GDF1: variants seen among roughly 807,000 people sequenced by gnomAD.
The protein encoded by GDF1 is growth differentiation factor 1, also known as embryonic growth/differentiation factor 1.
Under a neutral mutation model 7.4 loss-of-function variants are expected in GDF1, and 8 were observed. The ratio of observed to expected loss-of-function variants is 1.09; its 90% CI spans 0.64 to 1.96. GDF1 has a LOEUF of 1.96. Ranked by LOEUF, GDF1 falls within the 30% of genes most tolerant of loss-of-function variation. GDF1 has a pLI of 0.00. For synonymous variants in GDF1, 311 were observed against 276.7 expected, an observed-to-expected ratio of 1.12 and a Z score of -1.23; for missense variants, 574 against 551.5, an observed-to-expected ratio of 1.04 and a Z score of -0.41.
intron 4 of GDF1, 58 bp from the exon 5 acceptor site, chr19:18,879,446 C>A: frequency 6.5e-7 from 1 of 1,535,588 alleles, no homozygotes; most frequent in East Asian, 2.4e-5. Context: ...CTACCCAGTC[C>A]CTGTCCTATC....
In GDF1 at chr19:18,893,545, T is replaced by C. The variant is rs762743223; in HGVS notation, c.-1043A>G. On this transcript the variant is annotated 5_prime_UTR_variant, in exon 2 of 8. Transcript: ENST00000247005. The stretch of plus-strand genomic sequence containing the variant: ...CTCTCGGGCATCTTGGCGGCATCTC[T>C]GGGCTGGAGGCAGCACCGCTTCGCC... 13 of 1,610,400 alleles carry C rather than the reference T, an allele frequency of 8.1e-6. No homozygotes were observed. The East Asian group carries it at 2.5e-4, about 30-fold the overall frequency.
chr19:18,879,294 A>G lies in GDF1; in HGVS notation c.-476T>C, dbSNP rs1273513355. The G allele has an allele frequency of 1.2e-6, 2 of 1,613,154 alleles. No homozygotes were observed. Among genetic ancestry groups the G allele is most frequent in the African/African-American group, 2.7e-5 (2 of 74,876 alleles). ...AGCAGCAGCAGGAGCGCATTGAAGA[A>G]GAAGTAGAAGGGGATGTCAGGCACC... is the stretch of plus-strand genomic sequence containing the variant. On this transcript the variant is annotated 5_prime_UTR_variant, in exon 5 of 8. Coordinates refer to ENST00000247005, the MANE Select transcript of GDF1 (RefSeq NM_001492.6).
Position 18,878,624 on chromosome 19 carries a change from C to A in GDF1, c.-313+306G>T, listed in dbSNP as rs1475010100. The A allele has an allele frequency of 8.3e-7, 1 of 1,201,124 alleles. No individual in the cohort carries two copies. The highest frequency in any genetic ancestry group is 1.0e-6 in the Non-Finnish European group (1 of 957,204). The allele number at this position is 1,201,124 out of a possible 1,614,324, so 74.4% of individuals were successfully genotyped here. A position where few individuals can be genotyped will look rare whatever the true frequency, so the allele number is the denominator to read the frequency against. ...AACTACTCCTCACCACCCACAGGGC[C>A]CTGGCTCGCCACTCCCGCCACACCA... On this transcript the variant is annotated intron_variant, in intron 6 of 7. Transcript: ENST00000247005. The surrounding 1 kb of genome is among the most constrained non-coding windows in gnomAD (Gnocchi z 4.6).
At chr19:18,882,821 T>A (rs2056248373) in intron 3 of GDF1, among the ~76,000 whole-genome samples, 1 of 151,760 alleles carries the variant, frequency 6.6e-6, no homozygotes, top group South Asian at 2.1e-4. Context: ...GCCTCCTGAG[T>A]AGCTGGGACT....
At chr19:18,890,040 G>T (rs767462768) in intron 2 of GDF1, among the ~76,000 whole-genome samples, 11 of 152,182 alleles carry the variant, frequency 7.2e-5, no homozygotes, top group Admixed American at 4.6e-4. Flanking sequence ...CCCTGGGGTA[G>T]ATGCCCAACC....
intron 2 of GDF1, among the ~76,000 whole-genome samples, chr19:18,890,290 A>C (rs947315827): frequency 2.0e-5 from 3 of 152,000 alleles, no homozygotes; most frequent in Non-Finnish European, 4.4e-5. Context: ...TCTCCACACA[A>C]GTTTTCTCAT....
intron 2 of GDF1, among the ~76,000 whole-genome samples, chr19:18,891,848 G>A (rs950658659): frequency 3.3e-5 from 5 of 150,930 alleles, no homozygotes. Context: ...TAGGATTACA[G>A]GTGTGAGCCA....
intron 1 of GDF1, among the ~76,000 whole-genome samples, chr19:18,894,641 G>A (rs116001604): frequency 0.011 from 1,716 of 152,202 alleles, 40 homozygotes; most frequent in African/African-American, 0.039. Context: ...AAGAAGGCAG[G>A]GGCAACAAGC....
Position 18,880,510 on chromosome 19 carries a change from A to C in GDF1, c.-732-75T>G, listed in dbSNP as rs1277157956. 4.9e-6 allele frequency: 7 copies of C among 1,422,238 alleles called. No homozygotes were observed. The East Asian group carries it at 1.8e-4, about 36-fold the overall frequency. The allele number at this position is 1,422,238 out of a possible 1,614,324, so 88.1% of individuals were successfully genotyped here. On this transcript the variant is annotated intron_variant, in intron 3 of 7. Transcript: ENST00000247005. ...TCCACTCTGCACTAAGGCCCCCAGC[A>C]GAGTCCCTGGGCTACACCTCAGGCT...
At chr19:18,884,348 G>T in intron 2 of GDF1, 81 bp from the exon 3 acceptor site, 1 of 1,339,788 alleles carries the variant, frequency 7.5e-7, no homozygotes, top group Non-Finnish European at 1.0e-6. Flanking sequence ...CACCCTCCAA[G>T]CCACACGTGT....
At chr19:18,875,334 T>A (rs1314949752) in intron 6 of GDF1, among the ~76,000 whole-genome samples, 1 of 151,582 alleles carries the variant, frequency 6.6e-6, no homozygotes, top group African/African-American at 2.4e-5. Flanking sequence ...ACACTTGAGG[T>A]CAGGAGTTCA....
intron 2 of GDF1, 76 bp downstream of exon 2, chr19:18,893,340 G>A: frequency 2.0e-6 from 3 of 1,473,400 alleles, no homozygotes; most frequent in Non-Finnish European, 2.7e-6. Flanking sequence ...TCTGCCTCAT[G>A]AGTAGCTGGG....
intron 3 of GDF1, 129 bp from the exon 4 acceptor site, chr19:18,880,564 C>A: frequency 1.2e-6 from 1 of 809,960 alleles, no homozygotes; most frequent in East Asian, 2.9e-5. Context: ...AGCCACCCTT[C>A]CTGCCTCGCC....
At chr19:18,889,487 GC>G (rs1255726608) in intron 2 of GDF1, among the ~76,000 whole-genome samples, 1 of 152,110 alleles carries the variant, frequency 6.6e-6, no homozygotes, top group Admixed American at 6.6e-5. Context: ...TGCAATCTTG[GC>G]TCACTGCAGC....
chr19:18,868,977 G>T lies in GDF1; in HGVS notation c.739C>A (p.Pro247Thr). The T allele has an allele frequency of 1.8e-6, 2 of 1,140,164 alleles. No homozygotes were observed. Among genetic ancestry groups the T allele is most frequent in the Non-Finnish European group, 2.2e-6 (2 of 929,562 alleles). The allele number at this position is 1,140,164 out of a possible 1,614,324, so 70.6% of individuals were successfully genotyped here. A position where few individuals can be genotyped will look rare whatever the true frequency, so the allele number is the denominator to read the frequency against. Residue 247 changes from proline (P) to threonine (T), a missense_variant, in exon 8 of 8, where the codon CCC (proline) becomes ACC (threonine). Pro to Thr is a conservative substitution (Grantham distance 38). Coordinates refer to ENST00000247005, the MANE Select transcript of GDF1 (RefSeq NM_001492.6). ...GCGTCGCGCCGCGGCCGGGCCAGGG[G>T]GTGGCACAGGCGCGGGTCGAGGGTC... ...LVTLDPRLCH[P>T]LARPRRDAEP...
At position 18,869,990 on chromosome 19, in the gene GDF1, C is replaced by G; in HGVS notation, c.318G>C (p.Pro106=). ...GVAGNIVRHI[P]DRGAPTRASE... The stretch of plus-strand genomic sequence containing the variant: ...AGCGAAAGCCCCACTCACCGCGGTC[C>G]GGGATGTGGCGCACGATGTTTCCGG... Residue 106 remains proline, a synonymous_variant, in exon 7 of 8, where the codon CCG becomes CCC. Coordinates refer to ENST00000247005, the MANE Select transcript of GDF1 (RefSeq NM_001492.6). 6.3e-7 allele frequency: 1 copy of G among 1,591,438 alleles called. No homozygotes were observed. Among genetic ancestry groups the G allele is most frequent in the Non-Finnish European group, 8.5e-7 (1 of 1,170,650 alleles).
chr19:18,881,841 GAC>G (rs1190045642), intron 3 of GDF1: 1 of 151,884 alleles, frequency 6.6e-6, no homozygotes, highest in African/African-American at 2.4e-5. Flanking sequence ...TTTTTTTGGA[GAC>G]ACAGCCTCAC....
chr19:18,884,118 G>A lies in GDF1; in HGVS notation c.-764C>T, dbSNP rs772627907. 2 of 1,613,656 alleles carry A rather than the reference G, an allele frequency of 1.2e-6. No homozygotes were observed. The highest frequency in any genetic ancestry group is 1.7e-5 in the Admixed American group (1 of 59,996). On this transcript the variant is annotated 5_prime_UTR_variant, in exon 3 of 8. Coordinates refer to ENST00000247005, the MANE Select transcript of GDF1 (RefSeq NM_001492.6). ...GCGTAGGAGGAGACGATGAGGATGA[G>A]AGTGACCACGTGGTGGAGCAGCATG...
At chr19:18,894,233 G>T (rs1173819769) in intron 1 of GDF1, among the ~76,000 whole-genome samples, 2 of 150,628 alleles carry the variant, frequency 1.3e-5, no homozygotes, top group Admixed American at 1.3e-4. Flanking sequence ...CCAAGGCAGG[G>T]GTTGGGGAGT....
Sources: gnomAD v4.1 joint callset for allele counts (sites outside exome capture counted in the v4.1 genomes callset) on GRCh38, gnomAD v4.1.1 for gene constraint, Gnocchi (gnomAD v3.1) non-coding constraint, MANE v1.5 for transcripts, NCBI Gene and HGNC (gene_info 2026-07-23, HGNC 2026-07-21) for gene names.